The following KIAA1549 variants were observed in gnomAD, a reference collection of about 807,000 sequenced individuals.
The protein encoded by KIAA1549 is UPF0606 protein KIAA1549.
In KIAA1549, 70 loss-of-function variants were observed where a neutral mutation model predicts 156.4. The ratio of observed to expected loss-of-function variants is 0.45; its 90% CI spans 0.37 to 0.55. The LOEUF (loss-of-function observed/expected upper bound fraction) is 0.55. Among genes scored for constraint, KIAA1549 ranks in the 20% least tolerant of loss-of-function variants. The pLI is 0.00. For missense variants in KIAA1549, 2,428 were observed against 2,540.9 expected (o/e 0.96, Z 0.96); for synonymous variants, 1,103 against 1,066.4 (o/e 1.03, Z -0.67).
rs758498524 is a variant in KIAA1549 at position 138,844,389 on chromosome 7, A to C, written c.5380T>G (p.Phe1794Val). The change falls in exon 18 of 20, where the codon TTT (phenylalanine) becomes GTT (valine). Residue 1794 changes from phenylalanine to valine, a missense_variant. Transcript: ENST00000422774. Reference protein sequence around the residue: ...QQPQASAEAPFAARGIYSEEM... With the variant: ...QQPQASAEAPVAARGIYSEEM... Reference sequence around the variant, plus strand: ...TCCGAGTAGATCCCTCTGGCAGCAAATGGGGCTTCGGCGGAGGCCTGTGGC... The same window carrying C: ...TCCGAGTAGATCCCTCTGGCAGCAACTGGGGCTTCGGCGGAGGCCTGTGGC... 4 of 1,611,216 alleles carry C rather than the reference A, an allele frequency of 2.5e-6. No homozygotes were observed. The highest frequency in any genetic ancestry group is 4.5e-5 in the East Asian group (2 of 44,814).
rs1317483461 is a variant in KIAA1549, at chr7:138,837,962, C to T, written c.5797G>A (p.Glu1933Lys). The T allele has an allele frequency of 1.9e-6, 3 of 1,613,692 alleles. No homozygotes were observed. The highest frequency in any genetic ancestry group is 2.5e-6 in the Non-Finnish European group (3 of 1,179,878). The change falls in exon 20 of 20, where the codon GAG (glutamate) becomes AAG (lysine). Residue 1933 changes from glutamate (E) to lysine (K), a missense_variant. By Grantham distance (56) the Glu-to-Lys change is moderately conservative. Coordinates refer to ENST00000422774, the MANE Select transcript of KIAA1549 (RefSeq NM_001164665.2). ...TTCTGGGAGAGCCGGAGGAGCTCCTCGCGGATTGCTTTGATGAGAGAGGCC... is the reference window on the plus strand; with the variant it reads ...TTCTGGGAGAGCCGGAGGAGCTCCTTGCGGATTGCTTTGATGAGAGAGGCC... ...SSASLIKAIR[E>K]ELLRLSQKQS... is the part of the protein sequence containing the mutation.
chr7:138,953,838 T>C (rs507845), intron 1 of KIAA1549, among the ~76,000 whole-genome samples: 64,170 of 152,134 alleles, frequency 0.42, 17,783 homozygotes, highest in African/African-American at 0.8. Flanking sequence ...GATTCATCCA[T>C]TCTAAGACCT....
At chr7:138,845,817 TA>T (rs1810057355) in intron 17 of KIAA1549, among the ~76,000 whole-genome samples, 1 of 152,198 alleles carries the variant, frequency 6.6e-6, no homozygotes, top group African/African-American at 2.4e-5. Flanking sequence ...ATTTTATCAT[TA>T]GCAACAAATA....
rs779886730 is a variant in KIAA1549, at chr7:138,916,958, C to T, written c.2668G>A (p.Ala890Thr). The T allele has an allele frequency of 7.5e-6, 12 of 1,604,060 alleles. 1 individual carries two copies. In the South Asian group the frequency reaches 1.0e-4, roughly 14 times the overall value. The change falls in exon 2 of 20, where the codon GCT (alanine) becomes ACT (threonine). Residue 890 changes from alanine to threonine, a missense_variant. Coordinates refer to ENST00000422774, the MANE Select transcript of KIAA1549 (RefSeq NM_001164665.2). Reference sequence around the variant, plus strand: ...GAGTCGAGGGGACCACCAGTGGCAGCACCGGTGCTGGTTGTGCTCACTTCC... The same window carrying T: ...GAGTCGAGGGGACCACCAGTGGCAGTACCGGTGCTGGTTGTGCTCACTTCC... ...STEVSTTSTG[A>T]ATGGPLDSTL...
intron 17 of KIAA1549, among the ~76,000 whole-genome samples, chr7:138,846,565 A>G (rs1448758674): frequency 6.7e-6 from 1 of 149,994 alleles, no homozygotes; most frequent in Non-Finnish European, 1.5e-5. Flanking sequence ...AAAGACGACG[A>G]CTAGCAGTTT....
At position 138,906,915 on chromosome 7, in the gene KIAA1549, T is replaced by A; in HGVS notation, c.3460+4A>T. 1.3e-6 allele frequency: 2 copies of A among 1,584,810 alleles called. No homozygotes were observed. Among genetic ancestry groups the A allele is most frequent in the Non-Finnish European group, 1.7e-6 (2 of 1,167,722 alleles). ...CCCAGCATGTCCAAGAGGGCTGTAC[T>A]CACGCTCTGCGATCTGCAGCACTGG... On this transcript the variant is annotated splice_donor_region_variant and intron_variant, in intron 6 of 19. Transcript: ENST00000422774.
intron 4 of KIAA1549, among the ~76,000 whole-genome samples, chr7:138,910,264 G>A (rs1812130469): frequency 1.3e-5 from 2 of 151,926 alleles, no homozygotes; most frequent in Admixed American, 1.3e-4. Flanking sequence ...AAGGTCAGGT[G>A]TGGTAGCTCA....
intron 17 of KIAA1549, among the ~76,000 whole-genome samples, chr7:138,846,918 T>C (rs1810094776): frequency 6.6e-6 from 1 of 152,174 alleles, no homozygotes; most frequent in Non-Finnish European, 1.5e-5. Context: ...AGGCTACCTA[T>C]GTAACTCTCT....
rs1040243371 is a variant in KIAA1549 at position 138,918,967 on chromosome 7, G to A, written c.659C>T (p.Ala220Val). 1.5e-5 allele frequency: 25 copies of A among 1,613,880 alleles called. No individual in the cohort carries two copies. Among genetic ancestry groups the A allele is most frequent in the Middle Eastern group, 3.3e-4 (2 of 6,084 alleles). ...SGWQNTTRQP[A>V]AYAESASHFH... ...ATGACTGGCGGACTCAGCATATGCC[G>A]CTGGTTGTCGCGTTGTGTTCTGCCA... The change falls in exon 2 of 20, where the codon GCG becomes GTG. Residue 220 changes from alanine (A) to valine (V), a missense_variant. Physicochemically the swap from Ala to Val is moderately conservative, Grantham distance 64 (BLOSUM62 0). Transcript: ENST00000422774. This position sits in a 1 kb window ranked among gnomAD's most constrained non-coding sequence, Gnocchi z 4.2.
intron 1 of KIAA1549, among the ~76,000 whole-genome samples, chr7:138,941,538 AT>A (rs1201703601): frequency 5.3e-5 from 8 of 152,222 alleles, no homozygotes; most frequent in Admixed American, 3.9e-4. Flanking sequence ...ACAGCAAAAA[AT>A]AATCTGAATC....
chr7:138,863,670 G>A (rs934186471), intron 15 of KIAA1549, among the ~76,000 whole-genome samples: 4 of 152,104 alleles, frequency 2.6e-5, no homozygotes, highest in South Asian at 2.1e-4. Context: ...AGGCCCTCAC[G>A]CAACACAGAA....
chr7:138,840,277 G>C lies in KIAA1549; in HGVS notation c.5454C>G (p.Gly1818=). 6.2e-7 allele frequency: 1 copy of C among 1,600,698 alleles called. No homozygotes were observed. The highest frequency in any genetic ancestry group is 1.3e-5 in the African/African-American group (1 of 74,802). The part of the protein sequence containing the change: ...ARPRPVGGTT[G]SQIQHLTQVG... The stretch of plus-strand genomic sequence containing the variant: ...CCTGTGTCAGGTGCTGGATCTGGGA[G>C]CCTGGAAGGAACATGGTGGAGTGGC... Residue 1818 remains glycine, a splice_region_variant and synonymous_variant, in exon 19 of 20, where the codon GGC becomes GGG. Coordinates refer to ENST00000422774, the MANE Select transcript of KIAA1549 (RefSeq NM_001164665.2).
chr7:138,843,027 C>T (rs920842138), intron 18 of KIAA1549, among the ~76,000 whole-genome samples: 3 of 152,130 alleles, frequency 2.0e-5, no homozygotes, highest in African/African-American at 7.2e-5. Context: ...TAAGTCCTAC[C>T]GCCAAACTGC....
chr7:138,894,347 G>C lies in KIAA1549; in HGVS notation c.4027C>G (p.Gln1343Glu). The change falls in exon 10 of 20, where the codon CAG (glutamine) becomes GAG (glutamate). Residue 1343 changes from glutamine (Q) to glutamate (E), a missense_variant. Transcript: ENST00000422774. Reference sequence around the variant, plus strand: ...GGGAAGAGGCTGCCCGTTACCTTCTGACGCTGCTGAATGTTGGCCACAGTG... The same window carrying C: ...GGGAAGAGGCTGCCCGTTACCTTCTCACGCTGCTGAATGTTGGCCACAGTG... ...PDTVANIQQR[Q>E]KLQIPSVKGF... 6.2e-7 allele frequency: 1 copy of C among 1,613,914 alleles called. No homozygotes were observed. The highest frequency in any genetic ancestry group is 1.1e-5 in the South Asian group (1 of 91,078).
At chr7:138,906,880 C>A in intron 6 of KIAA1549, 39 bp downstream of exon 6, 1 of 1,357,990 alleles carries the variant, frequency 7.4e-7, no homozygotes, top group South Asian at 2.2e-5. Flanking sequence ...AAAATGCCCG[C>A]CATCACCTCC....
In KIAA1549 at chr7:138,905,055, A is replaced by G; in HGVS notation, c.3487T>C (p.Ser1163Pro). Reference protein sequence around the residue: ...EPFQYPQLNLSQLLKSSWVRT... With the variant: ...EPFQYPQLNLPQLLKSSWVRT... ...ACCCAAGAGGACTTCAGCAACTGAG[A>G]TAAGTTGAGCTGTGGATACTGGAAG... is the stretch of plus-strand genomic sequence containing the variant. The change falls in exon 7 of 20, where the codon TCT (serine) becomes CCT (proline). Residue 1163 changes from serine to proline, a missense_variant. Around this residue, in one of 5 missense-constraint regions of KIAA1549, gnomAD observed 762 missense variants for 901.6 expected, o/e 0.85. Transcript: ENST00000422774. 2.5e-6 allele frequency: 4 copies of G among 1,577,932 alleles called. No individual in the cohort carries two copies. Among genetic ancestry groups the G allele is most frequent in the Non-Finnish European group, 3.4e-6 (4 of 1,160,428 alleles).
In KIAA1549 at chr7:138,831,854, G is replaced by A. The variant is rs1248786058; in HGVS notation, c.*6052C>T. 8.6e-6 allele frequency: 2 copies of A among 232,824 alleles called. No homozygotes were observed. The highest frequency in any genetic ancestry group is 5.6e-5 in the Admixed American group (1 of 17,774). The allele number at this position is 232,824 out of a possible 1,614,324, so 14.4% of individuals were successfully genotyped here. Reference sequence around the variant, plus strand: ...TGCGTCCCAGAGATGCTCCGGAGGAGGGCAAAGTCGAGGGCGTTCCCACTC... The same window carrying A: ...TGCGTCCCAGAGATGCTCCGGAGGAAGGCAAAGTCGAGGGCGTTCCCACTC... On this transcript the variant is annotated 3_prime_UTR_variant, in exon 20 of 20. Transcript: ENST00000422774.
chr7:138,894,828 C>T (rs1387609668), intron 9 of KIAA1549, among the ~76,000 whole-genome samples: 1 of 152,208 alleles, frequency 6.6e-6, no homozygotes, highest in African/African-American at 2.4e-5. Context: ...TACTAGCTCA[C>T]CCGTAACTTA....
intron 8 of KIAA1549, among the ~76,000 whole-genome samples, chr7:138,901,270 T>G (rs540028109): frequency 1.3e-5 from 2 of 152,278 alleles, no homozygotes; most frequent in South Asian, 2.1e-4. Context: ...CCATGAATTC[T>G]GTATTAACAT....
Sources: gnomAD v4.1 joint callset for allele counts (sites outside exome capture counted in the v4.1 genomes callset) on GRCh38, gnomAD v4.1.1 for gene constraint, gnomAD v4.1.1 regional missense constraint, Gnocchi (gnomAD v3.1) non-coding constraint, MANE v1.5 for transcripts, NCBI Gene and HGNC (gene_info 2026-07-23, HGNC 2026-07-21) for gene names.